NEIL2: variants seen among roughly 807,000 people sequenced by gnomAD.
NEIL2 encodes endonuclease 8-like 2.
A neutral mutation model predicts 22.2 loss-of-function variants in NEIL2; 23 were observed. The ratio of observed to expected loss-of-function variants is 1.04; its 90% CI spans 0.75 to 1.47. The LOEUF (loss-of-function observed/expected upper bound fraction) is 1.47, where lower values mean the gene tolerates loss of function less well. NEIL2 is among the 40% of genes most tolerant of loss of function. The probability of loss-of-function intolerance (pLI) is 0.00; values close to 1 mark genes in which losing one functional copy is unlikely to be tolerated. For synonymous variants in NEIL2, 229 were observed against 164.8 expected, an observed-to-expected ratio of 1.39 and a Z score of -2.99; for missense variants, 583 against 404.7, an observed-to-expected ratio of 1.44 and a Z score of -3.78.
intron 3 of NEIL2, among the ~76,000 whole-genome samples, chr8:11,780,401 A>G (rs940194065): frequency 6.6e-6 from 1 of 152,088 alleles, no homozygotes; most frequent in South Asian, 2.1e-4. Flanking sequence ...TTGTTTTGAG[A>G]CGGAGTCTTG....
chr8:11,779,695 A>C lies in NEIL2; in HGVS notation c.236A>C (p.Gln79Pro). ...PTPEPPQKEVQKEGAADPKQV... is the reference protein window; with the variant it reads ...PTPEPPQKEVPKEGAADPKQV... ...CCAGAGCCTCCACAAAAAGAAGTGC[A>C]GAAGGAAGGGGCTGCGGACCCAAAG... is the stretch of plus-strand genomic sequence containing the variant. The change falls in exon 3 of 5, where the codon CAG (glutamine) becomes CCG (proline). Residue 79 changes from glutamine (Q) to proline (P), a missense_variant. Gln to Pro is a moderately conservative substitution (Grantham distance 76). Coordinates refer to ENST00000284503, the MANE Select transcript of NEIL2 (RefSeq NM_145043.4). The C allele has an allele frequency of 1.2e-6, 2 of 1,614,126 alleles. No individual in the cohort carries two copies. Among genetic ancestry groups the C allele is most frequent in the Non-Finnish European group, 1.7e-6 (2 of 1,180,014 alleles).
chr8:11,771,401 A>C, intron 1 of NEIL2, 45 bp from the exon 2 acceptor site: 1 of 1,611,592 alleles, frequency 6.2e-7, no homozygotes, highest in Non-Finnish European at 8.5e-7. Context: ...TGCTAGAGAT[A>C]AATGAGCTAA....
chr8:11,782,615 A>C, intron 3 of NEIL2: 1 of 176,898 alleles, frequency 5.7e-6, no homozygotes. Flanking sequence ...TGCTGTACTG[A>C]AAATGAAGGT....
At chr8:11,773,584 T>C (rs1220789503) in intron 2 of NEIL2, among the ~76,000 whole-genome samples, 1 of 151,800 alleles carries the variant, frequency 6.6e-6, no homozygotes, top group East Asian at 1.9e-4. Flanking sequence ...AGGTAGGACT[T>C]GAGTTGGGCC....
chr8:11,783,547 C>G, intron 4 of NEIL2, 148 bp downstream of exon 4: 2 of 718,066 alleles, frequency 2.8e-6, no homozygotes, highest in East Asian at 2.7e-5. Flanking sequence ...TCTTTTACTT[C>G]CCTTGTTTTT....
intron 2 of NEIL2, among the ~76,000 whole-genome samples, chr8:11,772,416 C>G (rs1803535989): frequency 6.6e-6 from 1 of 152,176 alleles, no homozygotes; most frequent in African/African-American, 2.4e-5. Flanking sequence ...TGCTCAAGCA[C>G]TTCTTCCTTT....
intron 3 of NEIL2, chr8:11,782,815 A>G (rs538791364): frequency 6.1e-5 from 21 of 344,686 alleles, no homozygotes; most frequent in South Asian, 5.1e-4. Flanking sequence ...TGATCCAGCC[A>G]CAGAGTGTGC....
chr8:11,776,623 C>G (rs1159291895), intron 2 of NEIL2, among the ~76,000 whole-genome samples: 1 of 152,124 alleles, frequency 6.6e-6, no homozygotes, highest in Admixed American at 6.5e-5. Context: ...GTAGTGTTTT[C>G]CAAGGCAGCT....
chr8:11,782,322 G>T (rs148008492), intron 3 of NEIL2, among the ~76,000 whole-genome samples: 2 of 152,168 alleles, frequency 1.3e-5, no homozygotes, highest in Non-Finnish European at 1.5e-5. Context: ...CTACTCGGGA[G>T]GCTGAGGCAG....
In NEIL2 at chr8:11,776,396, C is replaced by T. The variant is rs1585752243; in HGVS notation, c.139-3202C>T. On this transcript the variant is annotated intron_variant, in intron 2 of 4. Transcript: ENST00000284503. Reference sequence around the variant, plus strand: ...TCAAGATGAGATTTGGGTGGAGACACAGCCAAACCATATCACACATTTTAT... The same window carrying T: ...TCAAGATGAGATTTGGGTGGAGACATAGCCAAACCATATCACACATTTTAT... Among the ~76,000 whole-genome samples the T allele has an allele frequency of 2.6e-5, 4 of 152,318 alleles. No individual in the cohort carries two copies. The Middle Eastern group carries it at 0.014, about 518-fold the overall frequency.
Position 11,783,220 on chromosome 8 carries a change from G to A in NEIL2, c.509G>A (p.Gly170Asp). The A allele has an allele frequency of 1.9e-6, 3 of 1,614,210 alleles. No homozygotes were observed. The highest frequency in any genetic ancestry group is 8.5e-7 in the Non-Finnish European group (1 of 1,180,018). The change falls in exon 4 of 5, where the codon GGT becomes GAT. Residue 170 changes from glycine to aspartate, a missense_variant. By Grantham distance (94) the Gly-to-Asp change is moderately conservative. Coordinates refer to ENST00000284503, the MANE Select transcript of NEIL2 (RefSeq NM_145043.4). ...DPSPRLVLHF[G>D]GGGFLAFYNC... The stretch of plus-strand genomic sequence containing the variant: ...CTTCCCAGGTTGGTCCTGCACTTTG[G>A]TGGTGGTGGCTTCCTGGCATTTTAT...
chr8:11,779,187 G>C (rs750744545), intron 2 of NEIL2, among the ~76,000 whole-genome samples: 1 of 152,054 alleles, frequency 6.6e-6, no homozygotes, highest in Non-Finnish European at 1.5e-5. Flanking sequence ...AGTTTCACAG[G>C]GTGTTGTCTT....
Position 11,770,083 on chromosome 8 carries a change from T to C in NEIL2, c.-255T>C, listed in dbSNP as rs1318385931. 2 of 151,918 alleles carry C rather than the reference T, an allele frequency of 1.3e-5. No homozygotes were observed. Among genetic ancestry groups the C allele is most frequent in the African/African-American group, 4.8e-5 (2 of 41,322 alleles). 9.4% of individuals were successfully genotyped at this position (151,918 alleles called of 1,614,324 possible). A position where few individuals can be genotyped will look rare whatever the true frequency, so the allele number is the denominator to read the frequency against. ...GGCTGGCGCAGCGCCAGCCTCGAGCTCCTCGGTAGCCCCCGGGCAGGGAGG... is the reference window on the plus strand; with the variant it reads ...GGCTGGCGCAGCGCCAGCCTCGAGCCCCTCGGTAGCCCCCGGGCAGGGAGG... On this transcript the variant is annotated 5_prime_UTR_variant, in exon 1 of 5. Transcript: ENST00000284503.
chr8:11,783,845 G>A (rs1331418956), intron 4 of NEIL2, among the ~76,000 whole-genome samples: 2 of 152,208 alleles, frequency 1.3e-5, no homozygotes, highest in African/African-American at 4.8e-5. Flanking sequence ...GGAGCTTCCT[G>A]CCCTGGCCAG....
chr8:11,779,732 G>C lies in NEIL2; in HGVS notation c.273G>C (p.Glu91Asp), dbSNP rs140428451. 6 of 1,614,244 alleles carry C rather than the reference G, an allele frequency of 3.7e-6. No homozygotes were observed. Among genetic ancestry groups the C allele is most frequent in the Non-Finnish European group, 5.1e-6 (6 of 1,180,048 alleles). ...CTGCGGACCCAAAGCAGGTCGGGGA[G>C]CCCAGCGGGCAGAAGACCCTTGATG... is the stretch of plus-strand genomic sequence containing the variant. ...EGAADPKQVGEPSGQKTLDGS... is the reference protein window; with the variant it reads ...EGAADPKQVGDPSGQKTLDGS... Residue 91 changes from glutamate to aspartate, a missense_variant, in exon 3 of 5, where the codon GAG (glutamate) becomes GAC (aspartate). Transcript: ENST00000284503.
In NEIL2 at chr8:11,771,531, C is replaced by T. The variant is rs758821500; in HGVS notation, c.84C>T (p.Ser28=). ...AGCAGGTGGTCAAGACAGGGGGCAG[C>T]AGTAAGAAGCTACAGCCCGCCAGCC... is the stretch of plus-strand genomic sequence containing the variant. The part of the protein sequence containing the change: ...VGQQVVKTGG[S]SKKLQPASLQ... The change falls in exon 2 of 5, where the codon AGC becomes AGT. Residue 28 remains serine, a synonymous_variant. Transcript: ENST00000284503. 9.3e-6 allele frequency: 15 copies of T among 1,614,038 alleles called. No homozygotes were observed. The highest frequency in any genetic ancestry group is 5.0e-5 in the Admixed American group (3 of 60,016).
At position 11,781,226 on chromosome 8, in the gene NEIL2, G is replaced by T. The variant is rs187927669; in HGVS notation, c.491+1276G>T. ...ATGCTATGGGCTGTAAAAATAACTC[G>T]GAGTAGCTTCTGTGGTCTGGAGATT... On this transcript the variant is annotated intron_variant, in intron 3 of 4. Transcript: ENST00000284503. Among the ~76,000 whole-genome samples the T allele has an allele frequency of 2.0e-3, 306 of 152,208 alleles. 1 individual carries two copies. The highest frequency in any genetic ancestry group is 7.0e-3 in the African/African-American group (291 of 41,524).
chr8:11,785,720 G>T (rs573109646), intron 4 of NEIL2, among the ~76,000 whole-genome samples: 1 of 152,130 alleles, frequency 6.6e-6, no homozygotes, highest in Non-Finnish European at 1.5e-5. Context: ...TGCCCGATCC[G>T]TTTTTGATAG....
intron 3 of NEIL2, chr8:11,782,782 G>A (rs1278524561): frequency 3.5e-6 from 1 of 282,380 alleles, no homozygotes; most frequent in Non-Finnish European, 6.9e-6. Flanking sequence ...TGGTAACGAT[G>A]TGGGGATGTG....
Sources: allele counts gnomAD v4.1 joint callset (sites outside exome capture counted in the v4.1 genomes callset), GRCh38; gene constraint gnomAD v4.1.1; transcripts MANE v1.5; gene names NCBI Gene and HGNC (gene_info 2026-07-23, HGNC 2026-07-21).